PHF2: variants seen among roughly 807,000 people sequenced by gnomAD.
PHF2 encodes the protein PHD finger protein 2, also known as lysine-specific demethylase PHF2.
In PHF2, 27 loss-of-function variants were observed where a neutral mutation model predicts 120.5. The ratio of observed to expected loss-of-function variants is 0.22; its 90% CI spans 0.17 to 0.31. The LOEUF is 0.31. PHF2 is among the 10% of genes least tolerant of loss of function. PHF2 has a pLI of 1.00. For missense variants in PHF2, 1,024 were observed against 1,434.8 expected (o/e 0.71, Z 4.63); for synonymous variants, 568 against 592.5 (o/e 0.96, Z 0.60).
intron 1 of PHF2, among the ~76,000 whole-genome samples, chr9:93,594,174 T>A (rs1005877732): frequency 2.5e-4 from 27 of 106,234 alleles, no homozygotes; most frequent in African/African-American, 9.4e-4. Context: ...GCACACCCCC[T>A]CTTCTCATGT....
chr9:93,649,027 G>A (rs1826310327), intron 4 of PHF2, 44 bp from the exon 5 acceptor site: 2 of 1,548,420 alleles, frequency 1.3e-6, no homozygotes, highest in Non-Finnish European at 1.7e-6. Flanking sequence ...GGGAGGCTGT[G>A]CCGCCTTCCC....
intron 20 of PHF2, among the ~76,000 whole-genome samples, chr9:93,676,348 T>C (rs1204047156): frequency 6.6e-6 from 1 of 151,964 alleles, no homozygotes; most frequent in East Asian, 1.9e-4. Context: ...GGGGTAGGAG[T>C]GCCATCCTAC....
Position 93,673,787 on chromosome 9 carries a change from A to G in PHF2, c.2551A>G (p.Lys851Glu). 2.5e-6 allele frequency: 4 copies of G among 1,613,346 alleles called. No individual in the cohort carries two copies. The highest frequency in any genetic ancestry group is 1.3e-5 in the African/African-American group (1 of 75,032). ...CAAACGACTGCTGAAGAGGGCTGCC[A>G]AGAACAGTGTCGACCTGGACGACTA... is the stretch of plus-strand genomic sequence containing the variant. Reference protein sequence around the residue: ...AGKRLLKRAAKNSVDLDDYEE... With the variant: ...AGKRLLKRAAENSVDLDDYEE... Residue 851 changes from lysine to glutamate, a missense_variant, in exon 18 of 22, where the codon AAG becomes GAG. Physicochemically the swap from Lys to Glu is moderately conservative, Grantham distance 56. Around this residue, in one of 2 missense-constraint regions of PHF2, gnomAD observed 677 missense variants for 857.4 expected, o/e 0.79. Coordinates refer to ENST00000359246, the MANE Select transcript of PHF2 (RefSeq NM_005392.4).
intron 1 of PHF2, among the ~76,000 whole-genome samples, chr9:93,610,356 AT>A (rs1236253426): frequency 6.6e-6 from 1 of 152,004 alleles, no homozygotes; most frequent in African/African-American, 2.4e-5. Context: ...AGGCTCTCTG[AT>A]TCTTTCCTTG....
Position 93,656,693 on chromosome 9 carries a change from C to A in PHF2, c.1147+98C>A. ...CTGACTGTCTGGGTGTGAGTGCCGC[C>A]TTCCTGTGGCCTGAGCAAGTCCTCT... On this transcript the variant is annotated intron_variant, in intron 9 of 21. Transcript: ENST00000359246. This position sits in a 1 kb window ranked among gnomAD's most constrained non-coding sequence, Gnocchi z 4.1. 1 of 794,252 alleles carries A rather than the reference C, an allele frequency of 1.3e-6. No homozygotes were observed. Among genetic ancestry groups the A allele is most frequent in the Non-Finnish European group, 2.1e-6 (1 of 467,964 alleles). 49.2% of individuals were successfully genotyped at this position (794,252 alleles called of 1,614,324 possible). A position where few individuals can be genotyped will look rare whatever the true frequency, so the allele number is the denominator to read the frequency against.
In PHF2 at chr9:93,653,336, G is replaced by T. The variant is rs1826400686; in HGVS notation, c.760G>T (p.Gly254Cys). 1 of 1,613,688 alleles carries T rather than the reference G, an allele frequency of 6.2e-7. No individual in the cohort carries two copies. The change falls in exon 6 of 22, where the codon GGC (glycine) becomes TGC (cysteine). Residue 254 changes from glycine to cysteine, a missense_variant. Transcript: ENST00000359246. Reference sequence around the variant, plus strand: ...CACCGACTTCCACATCGACTCTGGGGGCGCCTCTGCCTGGTACCACGTGCT... The same window carrying T: ...CACCGACTTCCACATCGACTCTGGGTGCGCCTCTGCCTGGTACCACGTGCT... ...SYTDFHIDSG[G>C]ASAWYHVLKG...
At position 93,665,912 on chromosome 9, in the gene PHF2, C is replaced by T; in HGVS notation, c.2116+48C>T. The T allele has an allele frequency of 3.7e-6, 6 of 1,612,348 alleles. No individual in the cohort carries two copies. The African/African-American group carries it at 4.0e-5, about 11-fold the overall frequency. ...GGGAGGGGTGTGGGAGAGGCCCATCCTGCCCCGGAGAGGTCTTCCCAGGGT... is the reference window on the plus strand; with the variant it reads ...GGGAGGGGTGTGGGAGAGGCCCATCTTGCCCCGGAGAGGTCTTCCCAGGGT... On this transcript the variant is annotated intron_variant, in intron 15 of 21. Coordinates refer to ENST00000359246, the MANE Select transcript of PHF2 (RefSeq NM_005392.4).
rs562793791 is a variant in PHF2 at position 93,663,972 on chromosome 9, C to T, written c.1937+337C>T. Among the ~76,000 whole-genome samples the T allele has an allele frequency of 5.3e-5, 8 of 152,352 alleles. No homozygotes were observed. In the South Asian group the frequency reaches 1.2e-3, roughly 24 times the overall value. Reference sequence around the variant, plus strand: ...CATCCCTGCCTCCCACCACGCTCCACCTGTAGTGTGGGTGTGAGGAAGCAG... The same window carrying T: ...CATCCCTGCCTCCCACCACGCTCCATCTGTAGTGTGGGTGTGAGGAAGCAG... On this transcript the variant is annotated intron_variant, in intron 14 of 21. Coordinates refer to ENST00000359246, the MANE Select transcript of PHF2 (RefSeq NM_005392.4).
chr9:93,603,018 G>T (rs531360457), intron 1 of PHF2, among the ~76,000 whole-genome samples: 2 of 152,122 alleles, frequency 1.3e-5, no homozygotes, highest in African/African-American at 2.4e-5. Context: ...GGACTGGGAG[G>T]GGGGCGCGGA....
At chr9:93,663,478 TG>T in intron 13 of PHF2, 38 bp from the exon 14 acceptor site, 1 of 1,273,186 alleles carries the variant, frequency 7.9e-7, no homozygotes, top group Admixed American at 1.9e-5. Flanking sequence ...CCCCCACTTC[TG>T]TGTGGGGCTC....
At position 93,583,533 on chromosome 9, in the gene PHF2, C is replaced by T. The variant is rs140636619; in HGVS notation, c.98+6662C>T. On this transcript the variant is annotated intron_variant, in intron 1 of 21. Transcript: ENST00000359246. ...CATTATTTTAAATTCTCCTCAGCAA[C>T]GTTCCAATTTCTCCACATCCTCACC... is the stretch of plus-strand genomic sequence containing the variant. 1.2e-3 allele frequency among the ~76,000 whole-genome samples: 184 copies of T among 151,952 alleles called. 3 individuals are homozygous for T. The highest frequency in any genetic ancestry group is 4.1e-3 in the African/African-American group (168 of 41,446).
Position 93,667,171 on chromosome 9 carries a change from C to G in PHF2, c.2279C>G (p.Ser760Trp). 4 of 1,613,022 alleles carry G rather than the reference C, an allele frequency of 2.5e-6. No individual in the cohort carries two copies. The highest frequency in any genetic ancestry group is 3.4e-6 in the Non-Finnish European group (4 of 1,179,946). The change falls in exon 17 of 22, where the codon TCG (serine) becomes TGG (tryptophan). Residue 760 changes from serine to tryptophan, a missense_variant. By Grantham distance (177) the Ser-to-Trp change is radical (BLOSUM62 -3). Around this residue, in one of 2 missense-constraint regions of PHF2, gnomAD observed 677 missense variants for 857.4 expected, o/e 0.79. Coordinates refer to ENST00000359246, the MANE Select transcript of PHF2 (RefSeq NM_005392.4). ...AGAGTCAAGAAGGAGAGTGGGAGCT[C>G]GGCAGCTGGCATCTTGGACCTGCTG... ...NARVKKESGS[S>W]AAGILDLLQA...
chr9:93,580,413 C>T (rs1862911393), intron 1 of PHF2, among the ~76,000 whole-genome samples: 3 of 152,196 alleles, frequency 2.0e-5, no homozygotes, highest in Admixed American at 6.5e-5. Context: ...CCTACTCTTA[C>T]ATAAAGCCAC....
intron 17 of PHF2, among the ~76,000 whole-genome samples, chr9:93,670,862 T>C (rs1826768960): frequency 1.3e-5 from 2 of 151,780 alleles, no homozygotes; most frequent in Admixed American, 1.3e-4. Context: ...GGCTGGGCGC[T>C]ATGGGAGGGG....
intron 17 of PHF2, among the ~76,000 whole-genome samples, chr9:93,667,809 T>C (rs2118055144): frequency 6.6e-6 from 1 of 152,200 alleles, no homozygotes; most frequent in Non-Finnish European, 1.5e-5. Context: ...CCTGGGGGGT[T>C]GACTAATGCT....
chr9:93,614,603 C>G lies in PHF2; in HGVS notation c.99-15367C>G, dbSNP rs114383509. 1.6e-3 allele frequency among the ~76,000 whole-genome samples: 238 copies of G among 152,324 alleles called. 2 individuals carry two copies. Among genetic ancestry groups the G allele is most frequent in the African/African-American group, 5.6e-3 (231 of 41,562 alleles). ...GGGCTGAGCTGGGGTCTCTTCAGCTCGCAGTCCTGGAGGAATGGACATAGC... is the reference window on the plus strand; with the variant it reads ...GGGCTGAGCTGGGGTCTCTTCAGCTGGCAGTCCTGGAGGAATGGACATAGC... On this transcript the variant is annotated intron_variant, in intron 1 of 21. Transcript: ENST00000359246.
chr9:93,646,391 C>G (rs1417748667), intron 4 of PHF2, among the ~76,000 whole-genome samples: 1 of 152,246 alleles, frequency 6.6e-6, no homozygotes, highest in Non-Finnish European at 1.5e-5. Flanking sequence ...AGCAGTGACC[C>G]TGACAGGCCA....
intron 1 of PHF2, among the ~76,000 whole-genome samples, chr9:93,599,953 C>T (rs10821171): frequency 0.31 from 47,405 of 152,154 alleles, 8,169 homozygotes; most frequent in South Asian, 0.6. Flanking sequence ...AAAGATAGGA[C>T]GTCCACGGCC....
Position 93,667,223 on chromosome 9 carries a change from G to A in PHF2, c.2331G>A (p.Leu777=). 6.2e-7 allele frequency: 1 copy of A among 1,611,042 alleles called. No homozygotes were observed. The highest frequency in any genetic ancestry group is 1.3e-5 in the African/African-American group (1 of 75,046). The change falls in exon 17 of 22, where the codon CTG becomes CTA. Residue 777 remains leucine (L), a synonymous_variant. Coordinates refer to ENST00000359246, the MANE Select transcript of PHF2 (RefSeq NM_005392.4). ...LLQASEEVGA[L]EYNPSSQPPA... ...AGGCCAGTGAGGAGGTTGGCGCGCTGGAGTACAACCCCAGCAGGTGGGCCC... is the reference window on the plus strand; with the variant it reads ...AGGCCAGTGAGGAGGTTGGCGCGCTAGAGTACAACCCCAGCAGGTGGGCCC...
Sources: allele counts gnomAD v4.1 joint callset (sites outside exome capture counted in the v4.1 genomes callset), GRCh38; gene constraint gnomAD v4.1.1; regional missense constraint gnomAD v4.1.1; non-coding constraint Gnocchi (gnomAD v3.1); transcripts MANE v1.5; gene names NCBI Gene and HGNC (gene_info 2026-07-23, HGNC 2026-07-21).